Variants in PKD1L1 observed in about 807,000 individuals in gnomAD.
The protein encoded by PKD1L1 is polycystin 1 like 1, transient receptor potential channel interacting, also known as polycystin-1-like protein 1.
PKD1L1 carries 236 observed loss-of-function variants against 323.4 expected under a neutral mutation model. The ratio of observed to expected loss-of-function variants is 0.73; its 90% CI spans 0.66 to 0.81. The LOEUF (loss-of-function observed/expected upper bound fraction) is 0.81, where lower values mean the gene tolerates loss of function less well. PKD1L1 is among the 40% of genes least tolerant of loss of function. The pLI, the probability that PKD1L1 is intolerant of heterozygous loss-of-function variation, is 0.00. For synonymous variants in PKD1L1, 1,344 were observed against 1,335.0 expected (o/e 1.01, Z -0.15); for missense variants, 3,320 against 3,508.0 (o/e 0.95, Z 1.35).
Position 47,930,902 on chromosome 7 carries a change from G to A in PKD1L1, c.737+202C>T, listed in dbSNP as rs560618374. The stretch of plus-strand genomic sequence containing the variant: ...TATGTGATTGATGGGAAACATAAAG[G>A]CAACCAAGTGGCATGGGTCCCTGAT... On this transcript the variant is annotated intron_variant, in intron 6 of 56. Transcript: ENST00000289672. Among the ~76,000 whole-genome samples, 14 of 152,316 alleles carry A rather than the reference G, an allele frequency of 9.2e-5. No individual in the cohort carries two copies. In the South Asian group the frequency reaches 2.7e-3, roughly 29 times the overall value.
chr7:47,880,286 T>A (rs7780053), intron 21 of PKD1L1, among the ~76,000 whole-genome samples: 4,014 of 74,656 alleles, frequency 0.054, 115 homozygotes, highest in Non-Finnish European at 0.075. Flanking sequence ...ATATATATAT[T>A]TTTTTTTTTT....
At chr7:47,949,174 GC>G (rs1489964955), upstream of PKD1L1, among the ~76,000 whole-genome samples, 2 of 151,908 alleles carry the variant, frequency 1.3e-5, no homozygotes, top group African/African-American at 4.8e-5. Flanking sequence ...CTCGAGACCA[GC>G]CTGGCCAGCA....
At chr7:47,953,463 G>A (rs998495334), upstream of PKD1L1, among the ~76,000 whole-genome samples, 5 of 152,154 alleles carry the variant, frequency 3.3e-5, no homozygotes, top group Admixed American at 6.5e-5. Flanking sequence ...AGCCCAGATC[G>A]TATGATGGTA....
chr7:47,921,992 C>G (rs1316659379), intron 7 of PKD1L1, among the ~76,000 whole-genome samples: 1 of 151,270 alleles, frequency 6.6e-6, no homozygotes, highest in African/African-American at 2.4e-5. Context: ...GCTGCCATCT[C>G]CACTCACTGC....
intron 1 of PKD1L1, among the ~76,000 whole-genome samples, chr7:47,947,697 G>A (rs1051327204): frequency 6.6e-6 from 1 of 152,248 alleles, no homozygotes; most frequent in African/African-American, 2.4e-5. Flanking sequence ...GCTGGGTGCG[G>A]TGGCTTATGC....
intron 2 of PKD1L1, among the ~76,000 whole-genome samples, chr7:47,943,140 C>T (rs1291445438): frequency 1.8e-5 from 2 of 111,488 alleles, no homozygotes; most frequent in Non-Finnish European, 1.7e-5. Context: ...AGTGAGACTC[C>T]GTCTCAAAAA....
At chr7:47,866,391 A>G (rs1393342392) in intron 25 of PKD1L1, 28 bp downstream of exon 25, 3 of 1,604,172 alleles carry the variant, frequency 1.9e-6, no homozygotes. Context: ...GTTTACAGAC[A>G]CTAAACTCAC....
At chr7:47,854,211 C>T (rs1360236081) in intron 30 of PKD1L1, among the ~76,000 whole-genome samples, 2 of 152,122 alleles carry the variant, frequency 1.3e-5, no homozygotes, top group Admixed American at 6.5e-5. Context: ...GCCTTGCTCA[C>T]GAGAACCCTT....
At chr7:47,819,359 G>A (rs1349410060) in intron 46 of PKD1L1, 1 of 350,182 alleles carries the variant, frequency 2.9e-6, no homozygotes, top group Non-Finnish European at 5.2e-6. Context: ...TGAATATCAA[G>A]AAGCAACAAT....
chr7:47,909,241 T>C (rs2128751685), intron 8 of PKD1L1, among the ~76,000 whole-genome samples: 1 of 152,338 alleles, frequency 6.6e-6, no homozygotes, highest in Non-Finnish European at 1.5e-5. Flanking sequence ...TTGATAATGT[T>C]AAGTGATTCC....
intron 7 of PKD1L1, among the ~76,000 whole-genome samples, chr7:47,923,831 C>T (rs1363221911): frequency 6.6e-6 from 1 of 151,940 alleles, no homozygotes; most frequent in Non-Finnish European, 1.5e-5. Context: ...AAGAATGAGT[C>T]AATAAGATAT....
At chr7:47,922,442 C>G (rs1372362489) in intron 7 of PKD1L1, among the ~76,000 whole-genome samples, 2 of 151,812 alleles carry the variant, frequency 1.3e-5, no homozygotes, top group Non-Finnish European at 2.9e-5. Context: ...CTCTTCCCGG[C>G]CGTCATCCCG....
chr7:47,890,637 A>G lies in PKD1L1; in HGVS notation c.2580T>C (p.Tyr860=). Residue 860 remains tyrosine, a synonymous_variant, in exon 16 of 57, where the codon TAT becomes TAC. Transcript: ENST00000289672. ...SFEAQWLSDS[Y]DQFLVMLRVS... is the part of the protein sequence containing the mutation. ...CCCTCAGCATCACAAGGAACTGATC[A>G]TAGCTGTCACTGAGCCATTGTGCCT... 2 of 1,614,184 alleles carry G rather than the reference A, an allele frequency of 1.2e-6. No homozygotes were observed. Among genetic ancestry groups the G allele is most frequent in the South Asian group, 2.2e-5 (2 of 91,078 alleles).
At chr7:47,854,605 C>T (rs1321838406) in intron 30 of PKD1L1, among the ~76,000 whole-genome samples, 1 of 152,136 alleles carries the variant, frequency 6.6e-6, no homozygotes, top group African/African-American at 2.4e-5. Flanking sequence ...CAGACCTATA[C>T]TGAAAGAATT....
chr7:47,808,870 T>C (rs941340883), intron 51 of PKD1L1, among the ~76,000 whole-genome samples: 1 of 152,232 alleles, frequency 6.6e-6, no homozygotes, highest in Middle Eastern at 3.2e-3. Flanking sequence ...TGTACGCTAA[T>C]GTAGACTTTA....
In PKD1L1 at chr7:47,905,900, T is replaced by C; in HGVS notation, c.1465A>G (p.Thr489Ala). The change falls in exon 10 of 57, where the codon ACT becomes GCT. Residue 489 changes from threonine to alanine, a missense_variant. Coordinates refer to ENST00000289672, the MANE Select transcript of PKD1L1 (RefSeq NM_138295.5). ...PSYNVSFISQ[T>A]QVGDSQAWHS... ...CAAGCCTGGCTGTCACCCACTTGAG[T>C]CTGAGAAATAAAGGACACGTTATAT... 1 of 1,613,614 alleles carries C rather than the reference T, an allele frequency of 6.2e-7. No individual in the cohort carries two copies. The highest frequency in any genetic ancestry group is 2.2e-5 in the East Asian group (1 of 44,852).
intron 50 of PKD1L1, 152 bp from the exon 51 acceptor site, chr7:47,809,729 C>G: frequency 1.8e-6 from 1 of 547,366 alleles, no homozygotes; most frequent in Non-Finnish European, 3.1e-6. Context: ...TAATCCTAAA[C>G]TTGCTCTTCA....
rs1039420310 is a variant in PKD1L1, at chr7:47,836,779, C to T, written c.5943+142G>A. Reference sequence around the variant, plus strand: ...CGGGCAGAGCCCTCCTGTTCCTTCTCTGGTCCCCAGGCAGCCAGGCTTGCT... The same window carrying T: ...CGGGCAGAGCCCTCCTGTTCCTTCTTTGGTCCCCAGGCAGCCAGGCTTGCT... On this transcript the variant is annotated intron_variant, in intron 37 of 56. Coordinates refer to ENST00000289672, the MANE Select transcript of PKD1L1 (RefSeq NM_138295.5). 3.5e-5 allele frequency: 37 copies of T among 1,066,250 alleles called. 1 individual carries two copies. The East Asian group carries it at 6.3e-4, about 18-fold the overall frequency. 66.0% of individuals were successfully genotyped at this position (1,066,250 alleles called of 1,614,324 possible). A position where few individuals can be genotyped will look rare whatever the true frequency, so the allele number is the denominator to read the frequency against.
chr7:47,930,684 G>A (rs1787750933), intron 6 of PKD1L1, among the ~76,000 whole-genome samples: 1 of 151,232 alleles, frequency 6.6e-6, no homozygotes, highest in African/African-American at 2.4e-5. Context: ...GTGTGATGGC[G>A]CATGCCTGTA....
Sources: allele counts gnomAD v4.1 joint callset (sites outside exome capture counted in the v4.1 genomes callset), GRCh38; gene constraint gnomAD v4.1.1; transcripts MANE v1.5; gene names NCBI Gene and HGNC (gene_info 2026-07-23, HGNC 2026-07-21).